The following NXN variants were observed in gnomAD, a reference collection of about 807,000 sequenced individuals.
The protein encoded by NXN is nucleoredoxin 1.
In NXN, 16 loss-of-function variants were observed where a neutral mutation model predicts 48.6. The observed-to-expected ratio is 0.33, with a 90% CI of 0.22 to 0.50. The LOEUF (loss-of-function observed/expected upper bound fraction) is 0.50, where lower values mean the gene tolerates loss of function less well. Among genes scored for constraint, NXN ranks in the 20% least tolerant of loss-of-function variants. The pLI is 0.98. For synonymous variants in NXN, 281 were observed against 269.6 expected, an observed-to-expected ratio of 1.04 and a Z score of -0.41; for missense variants, 492 against 605.5, an observed-to-expected ratio of 0.81 and a Z score of 1.97.
At chr17:947,732 CAAA>C (rs1159185042) in intron 1 of NXN, among the ~76,000 whole-genome samples, 4 of 36,662 alleles carry the variant, frequency 1.1e-4, no homozygotes, top group African/African-American at 1.8e-4. Context: ...GGCTCCCTCT[CAAA>C]AAAAAAAAAA....
intron 1 of NXN, among the ~76,000 whole-genome samples, chr17:895,628 C>G (rs562532836): frequency 7.2e-6 from 1 of 139,766 alleles, no homozygotes; most frequent in Non-Finnish European, 1.5e-5. Context: ...CTGGCTAACA[C>G]GGTGAAACCC....
At chr17:806,509 T>C (rs1237319238) in intron 5 of NXN, among the ~76,000 whole-genome samples, 9 of 152,122 alleles carry the variant, frequency 5.9e-5, no homozygotes, top group Admixed American at 5.9e-4. Context: ...CAGCCAGGGC[T>C]ACAGGCCCCC....
chr17:853,149 A>G (rs1197824543), intron 1 of NXN, among the ~76,000 whole-genome samples: 7 of 152,014 alleles, frequency 4.6e-5, no homozygotes, highest in Non-Finnish European at 1.0e-4. Context: ...GGCTAAAAAC[A>G]TAAATGTTAA....
intron 1 of NXN, chr17:959,198 C>A: frequency 9.7e-7 from 1 of 1,025,914 alleles, no homozygotes; most frequent in Non-Finnish European, 1.3e-6. Context: ...ACCAGTTCAG[C>A]CAGTACGTGT....
intron 1 of NXN, among the ~76,000 whole-genome samples, chr17:853,567 TGA>T: frequency 6.6e-6 from 1 of 151,936 alleles, no homozygotes; most frequent in South Asian, 2.1e-4. Context: ...CCTGCAGATA[TGA>T]GGTCAAACAT....
At chr17:816,923 A>C (rs1442255043) in intron 5 of NXN, among the ~76,000 whole-genome samples, 1 of 152,148 alleles carries the variant, frequency 6.6e-6, no homozygotes, top group Non-Finnish European at 1.5e-5. Flanking sequence ...GGGCACCTTA[A>C]GTGTCTCTGC....
rs1446676566 is a variant in NXN at position 958,086 on chromosome 17, G to A, written c.360+21233C>T. Among the ~76,000 whole-genome samples, 4 of 152,190 alleles carry A rather than the reference G, an allele frequency of 2.6e-5. No homozygotes were observed. The highest frequency in any genetic ancestry group is 1.9e-4 in the East Asian group (1 of 5,178). On this transcript the variant is annotated intron_variant, in intron 1 of 7. Coordinates refer to ENST00000336868, the MANE Select transcript of NXN (RefSeq NM_022463.5). The surrounding 1 kb of genome is among the most constrained non-coding windows in gnomAD (Gnocchi z 6.9). The stretch of plus-strand genomic sequence containing the variant: ...CGGCAGGATCAAATGAACCCTCTCC[G>A]TCTCAACTTTCCCCTTCCTTCCCAC...
chr17:910,918 G>A (rs2144922465), intron 1 of NXN: 1 of 152,300 alleles, frequency 6.6e-6, no homozygotes, highest in Admixed American at 6.5e-5. Context: ...GAAGGCTTGG[G>A]AAGGACAGTC....
At chr17:927,281 AAAAAGAAAAAAG>A (rs886408362) in intron 1 of NXN, among the ~76,000 whole-genome samples, 1 of 142,666 alleles carries the variant, frequency 7.0e-6, no homozygotes, top group Non-Finnish European at 1.5e-5. Flanking sequence ...CATCTCAAAA[AAAAAGAAAAAAG>A]AAAAGAAAAG....
rs1555611544 is a variant in NXN at position 830,116 on chromosome 17, T to TA, written c.361-4039dup. Among the ~76,000 whole-genome samples the TA allele has an allele frequency of 3.3e-5, 5 of 152,206 alleles. No homozygotes were observed. Among genetic ancestry groups the TA allele is most frequent in the South Asian group, 4.1e-4 (2 of 4,826 alleles). The stretch of plus-strand genomic sequence containing the variant: ...GTGTCAAAGTTGCTTATCTTTGACT[T>TA]ACTGATGTGTAGGAGATACGCTGTT... On this transcript the variant is annotated intron_variant, in intron 1 of 7. Coordinates refer to ENST00000336868, the MANE Select transcript of NXN (RefSeq NM_022463.5). The surrounding 1 kb of genome is among the most constrained non-coding windows in gnomAD (Gnocchi z 4.2).
intron 5 of NXN, among the ~76,000 whole-genome samples, chr17:812,853 TGTGTGTAG>T (rs956352455): frequency 1.3e-4 from 17 of 134,254 alleles, no homozygotes; most frequent in African/African-American, 4.5e-4. Flanking sequence ...GGTGTGTGCA[TGTGTGTAG>T]GTGTGTGTGG....
chr17:970,166 T>C (rs767319337), intron 1 of NXN, among the ~76,000 whole-genome samples: 8 of 152,172 alleles, frequency 5.3e-5, no homozygotes, highest in Non-Finnish European at 1.2e-4. Context: ...AACAAAACTT[T>C]CCATGACGGG....
chr17:901,572 C>T (rs1275679912), intron 1 of NXN, among the ~76,000 whole-genome samples: 1 of 152,196 alleles, frequency 6.6e-6, no homozygotes, highest in East Asian at 1.9e-4. Context: ...AGGACACCTC[C>T]CCCGTGAAAA....
chr17:902,412 C>T (rs543917912), intron 1 of NXN, among the ~76,000 whole-genome samples: 2 of 152,138 alleles, frequency 1.3e-5, no homozygotes, highest in Non-Finnish European at 1.5e-5. Flanking sequence ...GTCCTCGGGA[C>T]ATCTACATCG....
intron 1 of NXN, among the ~76,000 whole-genome samples, chr17:834,808 A>G: frequency 6.6e-6 from 1 of 151,912 alleles, no homozygotes; most frequent in South Asian, 2.1e-4. Flanking sequence ...TGTGTGAGCC[A>G]CTGTGTCTGG....
chr17:922,115 G>A (rs560490159), intron 1 of NXN, among the ~76,000 whole-genome samples: 4 of 152,264 alleles, frequency 2.6e-5, no homozygotes, highest in Non-Finnish European at 4.4e-5. Context: ...CAACAGAAAC[G>A]GGTTAGCCCT....
rs1417862738 is a variant in NXN at position 915,788 on chromosome 17, GGTGAAACTTCCCCTAAA to G, written c.360+63514_360+63530del. On this transcript the variant is annotated intron_variant, in intron 1 of 7. Coordinates refer to ENST00000336868, the MANE Select transcript of NXN (RefSeq NM_022463.5). Reference sequence around the variant, plus strand: ...TATGGGGCCAGAGCTGGGGCTTCCAGGTGAAACTTCCCCTAAAATGGGCGGCCACTTATGGTGTCAGA... The same window carrying G: ...TATGGGGCCAGAGCTGGGGCTTCCAGATGGGCGGCCACTTATGGTGTCAGA... 6.1e-3 allele frequency among the ~76,000 whole-genome samples: 925 copies of G among 152,324 alleles called. 11 individuals carry two copies. Among genetic ancestry groups the G allele is most frequent in the African/African-American group, 0.021 (861 of 41,558 alleles).
chr17:975,215 C>T (rs985883504), intron 1 of NXN, among the ~76,000 whole-genome samples: 4 of 152,154 alleles, frequency 2.6e-5, no homozygotes, highest in Non-Finnish European at 2.9e-5. Context: ...CTGGCTGGTC[C>T]GGGCTTCTTA....
chr17:842,504 C>T (rs764629888), intron 1 of NXN: 77 of 985,182 alleles, frequency 7.8e-5, no homozygotes, highest in Admixed American at 1.2e-4. Context: ...AACACGGGGC[C>T]GCGTCTCACA....
Sources: allele counts gnomAD v4.1 joint callset (sites outside exome capture counted in the v4.1 genomes callset), GRCh38; gene constraint gnomAD v4.1.1; non-coding constraint Gnocchi (gnomAD v3.1); transcripts MANE v1.5; gene names NCBI Gene and HGNC (gene_info 2026-07-23, HGNC 2026-07-21).